THEM5: variants seen among roughly 807,000 people sequenced by gnomAD.
THEM5 encodes thioesterase superfamily member 5, also known as acyl-coenzyme A thioesterase THEM5.
Under a neutral mutation model 24.2 loss-of-function variants are expected in THEM5, and 28 were observed. The ratio of observed to expected loss-of-function variants is 1.16; its 90% CI spans 0.86 to 1.59. The LOEUF (loss-of-function observed/expected upper bound fraction) is 1.59, where lower values mean the gene tolerates loss of function less well. Among genes scored for constraint, THEM5 ranks in the 40% most tolerant of loss-of-function variants. The pLI is 0.00. For synonymous variants in THEM5, 87 were observed against 114.5 expected (o/e 0.76, Z 1.53); for missense variants, 260 against 296.8 (o/e 0.88, Z 0.91).
intron 5 of THEM5, 146 bp downstream of exon 5, chr1:151,847,592 G>A: frequency 1.5e-6 from 2 of 1,337,626 alleles, no homozygotes; most frequent in African/African-American, 1.5e-5. Flanking sequence ...TGCTTCATCT[G>A]TGTCCCTAGT....
At position 151,852,303 on chromosome 1, in the gene THEM5, G is replaced by GGT. The variant is rs780071495; in HGVS notation, c.278_279dup (p.His94ThrfsTer73). The GGT allele has an allele frequency of 2.6e-5, 42 of 1,613,948 alleles. 1 individual carries two copies. The South Asian group carries it at 4.6e-4, about 18-fold the overall frequency. On this transcript the variant is annotated frameshift_variant, in exon 2 of 6. Coordinates refer to ENST00000368817, the MANE Select transcript of THEM5 (RefSeq NM_182578.4). LOFTEE classifies it high-confidence loss of function. ...GATGGGAGCTTGAGTCCCCGGATGT[G>GGT]GTCTCTGTTGGACTTGAAGGAGGGC... is the stretch of plus-strand genomic sequence containing the variant.
chr1:151,848,279 CGCCGTGA>C lies in THEM5; in HGVS notation c.471_477del (p.His158GlyfsTer6), dbSNP rs1558180257. On this transcript the variant is annotated frameshift_variant, in exon 4 of 6. Coordinates refer to ENST00000368817, the MANE Select transcript of THEM5 (RefSeq NM_182578.4). LOFTEE classifies it high-confidence loss of function. ...TCGTCCATCATGGCTGCCAGGGACCCGCCGTGAGCAAACCTGGGGGTGGGGTAAGGTG... is the reference window on the plus strand; with the variant it reads ...TCGTCCATCATGGCTGCCAGGGACCCGCAAACCTGGGGGTGGGGTAAGGTG... The C allele has an allele frequency of 6.2e-7, 1 of 1,614,056 alleles. No individual in the cohort carries two copies. Among genetic ancestry groups the C allele is most frequent in the South Asian group, 1.1e-5 (1 of 91,084 alleles).
At chr1:151,848,086 C>G (rs1652997746) in intron 4 of THEM5, 96 bp downstream of exon 4, 1 of 1,421,872 alleles carries the variant, frequency 7.0e-7, no homozygotes, top group Non-Finnish European at 9.8e-7. Flanking sequence ...AGGAGAGTGG[C>G]AGGCAGGGCT....
Position 151,847,403 on chromosome 1 carries a change from G to C in THEM5, c.712C>G (p.Gln238Glu). 4 of 1,614,100 alleles carry C rather than the reference G, an allele frequency of 2.5e-6. No homozygotes were observed. The highest frequency in any genetic ancestry group is 3.4e-6 in the Non-Finnish European group (4 of 1,180,008). The change falls in exon 6 of 6, where the codon CAG (glutamine) becomes GAG (glutamate). Residue 238 changes from glutamine (Q) to glutamate (E), a missense_variant. By Grantham distance (29) the Gln-to-Glu change is conservative (BLOSUM62 2). Transcript: ENST00000368817. ...GGAGACTCTTCTTCCAACTGCAGCT[G>C]AAGGAAAACACCTGCAAGAGAAGGG... The part of the protein sequence containing the change: ...VYAKSSGVFL[Q>E]LQLEEESPQ
At chr1:151,852,157 G>A in intron 2 of THEM5, 101 bp downstream of exon 2, 1 of 1,197,098 alleles carries the variant, frequency 8.4e-7, no homozygotes, top group Non-Finnish European at 1.2e-6. Context: ...ACAGCAGGAA[G>A]AACTCGCTGA....
At chr1:151,848,131 G>T in intron 4 of THEM5, 51 bp downstream of exon 4, 1 of 1,580,922 alleles carries the variant, frequency 6.3e-7, no homozygotes, top group Middle Eastern at 1.7e-4. Context: ...GCCACTTCCA[G>T]GGATGAAAAG....
At chr1:151,853,371 G>A in intron 1 of THEM5, 72 bp downstream of exon 1, 2 of 1,525,090 alleles carry the variant, frequency 1.3e-6, no homozygotes, top group East Asian at 2.4e-5. Context: ...CTGGGAAGAG[G>A]AGATTTGGGG....
intron 3 of THEM5, 49 bp downstream of exon 3, chr1:151,851,004 C>T (rs1653100981): frequency 1.2e-6 from 2 of 1,610,082 alleles, no homozygotes; most frequent in Non-Finnish European, 1.7e-6. Context: ...TGAACCTGCC[C>T]TGCTGAGCCA....
intron 3 of THEM5, 79 bp from the exon 4 acceptor site, chr1:151,848,371 C>T (rs1653009855): frequency 1.8e-6 from 2 of 1,108,404 alleles, no homozygotes; most frequent in African/African-American, 1.5e-5. Flanking sequence ...TTCCCTCCCT[C>T]CTGTGGTGAT....
intron 3 of THEM5, 104 bp downstream of exon 3, chr1:151,850,949 C>A: frequency 7.0e-7 from 1 of 1,428,370 alleles, no homozygotes. Flanking sequence ...CCCTTCCTCA[C>A]CCCTTAGAGA....
intron 3 of THEM5, among the ~76,000 whole-genome samples, chr1:151,849,857 A>T (rs1013610270): frequency 9.9e-5 from 15 of 151,940 alleles, no homozygotes; most frequent in African/African-American, 3.4e-4. Context: ...GTGGATACTA[A>T]TCTCTTCTCT....
In THEM5 at chr1:151,847,869, G is replaced by A. The variant is rs763748076; in HGVS notation, c.576-7C>T. The A allele has an allele frequency of 2.5e-6, 4 of 1,613,916 alleles. No homozygotes were observed. In the Admixed American group the frequency reaches 6.7e-5, roughly 27 times the overall value. ...AGAGTCCACGGGGATCAAGCTGGGA[G>A]ACGAGGCAGCTTAGCCCATCTCTCA... On this transcript the variant is annotated splice_region_variant and splice_polypyrimidine_tract_variant and intron_variant, in intron 4 of 5. Transcript: ENST00000368817.
chr1:151,852,107 C>G lies in THEM5; in HGVS notation c.325+151G>C. The G allele has an allele frequency of 4.1e-6, 3 of 738,268 alleles. No individual in the cohort carries two copies. In the South Asian group the frequency reaches 5.2e-5, roughly 13 times the overall value. 45.7% of individuals were successfully genotyped at this position (738,268 alleles called of 1,614,324 possible). A position where few individuals can be genotyped will look rare whatever the true frequency, so the allele number is the denominator to read the frequency against. On this transcript the variant is annotated intron_variant, in intron 2 of 5. Coordinates refer to ENST00000368817, the MANE Select transcript of THEM5 (RefSeq NM_182578.4). ...GCTGGAGACCTGAGAGGACACCCGC[C>G]GCCTGTTGCCTGGGGCTGCAGCATC...
chr1:151,849,316 C>T (rs150591130), intron 3 of THEM5, among the ~76,000 whole-genome samples: 12 of 152,214 alleles, frequency 7.9e-5, no homozygotes, highest in African/African-American at 2.9e-4. Context: ...AAATAGGCAC[C>T]CATTTTAGAA....
At chr1:151,852,807 A>T (rs1260196755) in intron 1 of THEM5, among the ~76,000 whole-genome samples, 1 of 152,222 alleles carries the variant, frequency 6.6e-6, no homozygotes. Flanking sequence ...AGATGGGGAA[A>T]CTGAGGGAAT....
chr1:151,851,772 G>GCA (rs375014604), intron 2 of THEM5, among the ~76,000 whole-genome samples: 1 of 151,902 alleles, frequency 6.6e-6, no homozygotes, highest in Non-Finnish European at 1.5e-5. Context: ...ACACACGAGT[G>GCA]CACACACACA....
rs1251585858 is a variant in THEM5, at chr1:151,851,248, G to GT, written c.326-58_326-57insA. The stretch of plus-strand genomic sequence containing the variant: ...GAAGGGAGGGTATGGTCAGGATGCA[G>GT]CACCATTTGGTTGAGTCTTGCCTCT... On this transcript the variant is annotated intron_variant, in intron 2 of 5. Transcript: ENST00000368817. 83 of 1,607,888 alleles carry GT rather than the reference G, an allele frequency of 5.2e-5. 4 individuals are homozygous for GT. The Middle Eastern group carries it at 6.5e-3, about 126-fold the overall frequency.
intron 3 of THEM5, among the ~76,000 whole-genome samples, chr1:151,850,608 C>A (rs956902842): frequency 1.3e-5 from 2 of 152,144 alleles, no homozygotes; most frequent in African/African-American, 2.4e-5. Context: ...CACACATAGG[C>A]CCATAATATC....
Position 151,853,474 on chromosome 1 carries a change from G to T in THEM5, c.92C>A (p.Ala31Asp), listed in dbSNP as rs563588343. Residue 31 changes from alanine (A) to aspartate (D), a missense_variant, in exon 1 of 6, where the codon GCC becomes GAC. Physicochemically the swap from Ala to Asp is moderately radical, Grantham distance 126 (BLOSUM62 -2). Transcript: ENST00000368817. ...GTCTGTGGAGGATCCAAATGCTGAG[G>T]CAGGGTTGAGTCTGGGCAGGATACG... ...APRILPRLNP[A>D]SAFGSSTDSM... is the part of the protein sequence containing the mutation. The T allele has an allele frequency of 6.2e-7, 1 of 1,614,074 alleles. No individual in the cohort carries two copies. The highest frequency in any genetic ancestry group is 2.2e-5 in the East Asian group (1 of 44,884).
Sources: allele counts gnomAD v4.1 joint callset (sites outside exome capture counted in the v4.1 genomes callset), GRCh38; gene constraint gnomAD v4.1.1; transcripts MANE v1.5; gene names NCBI Gene and HGNC (gene_info 2026-07-23, HGNC 2026-07-21).